The following TMEM268 variants were observed in gnomAD, a reference collection of about 807,000 sequenced individuals.
TMEM268 encodes transmembrane protein 268.
A neutral mutation model predicts 39.1 loss-of-function variants in TMEM268; 24 were observed. The observed-to-expected ratio is 0.61, with a 90% CI of 0.44 to 0.86. TMEM268 has a LOEUF of 0.86. TMEM268 is among the 40% of genes least tolerant of loss of function. The pLI, the probability that TMEM268 is intolerant of heterozygous loss-of-function variation, is 0.00. For synonymous variants in TMEM268, 176 were observed against 173.5 expected, an observed-to-expected ratio of 1.01 and a Z score of -0.12; for missense variants, 409 against 428.6, an observed-to-expected ratio of 0.95 and a Z score of 0.40.
chr9:114,605,736 CA>C, the TMEM268 span, among the ~76,000 whole-genome samples: 2 of 151,944 alleles, frequency 1.3e-5, no homozygotes, highest in Non-Finnish European at 2.9e-5. Flanking sequence ...GACTGGGCAA[CA>C]GGGGGAAACC....
chr9:114,610,837 A>G (rs1406888187), upstream of TMEM268, among the ~76,000 whole-genome samples: 2 of 152,234 alleles, frequency 1.3e-5, no homozygotes, highest in African/African-American at 4.8e-5. Flanking sequence ...ACCAAAGACG[A>G]TAATAAGAAG....
At chr9:114,623,549 G>T (rs1846031187) in intron 2 of TMEM268, among the ~76,000 whole-genome samples, 1 of 152,180 alleles carries the variant, frequency 6.6e-6, no homozygotes, top group Non-Finnish European at 1.5e-5. Flanking sequence ...GAGGCTCTGG[G>T]GAGAATCCAT....
chr9:114,642,068 A>G (rs1296929187), intron 8 of TMEM268, among the ~76,000 whole-genome samples: 2 of 152,236 alleles, frequency 1.3e-5, no homozygotes, highest in Admixed American at 6.5e-5. Flanking sequence ...CATTTTAAGT[A>G]TATAGTTCAG....
chr9:114,633,236 A>G (rs1049124816), intron 5 of TMEM268, among the ~76,000 whole-genome samples: 2 of 150,386 alleles, frequency 1.3e-5, no homozygotes, highest in African/African-American at 4.9e-5. Flanking sequence ...ATCTCTGTGC[A>G]CTGCAACCTC....
At chr9:114,605,046 A>C in the TMEM268 span, among the ~76,000 whole-genome samples, 2 of 152,192 alleles carry the variant, frequency 1.3e-5, no homozygotes, top group Non-Finnish European at 2.9e-5. Flanking sequence ...AAAGCCTTTG[A>C]GCCTGATTGA....
At chr9:114,615,142 C>T (rs1476107184) in intron 1 of TMEM268, among the ~76,000 whole-genome samples, 1 of 152,114 alleles carries the variant, frequency 6.6e-6, no homozygotes, top group Non-Finnish European at 1.5e-5. Flanking sequence ...AGTGATCCGC[C>T]CGCCTCAGCC....
upstream of TMEM268, among the ~76,000 whole-genome samples, chr9:114,610,057 G>C (rs1398836742): frequency 7.5e-6 from 1 of 133,510 alleles, no homozygotes; most frequent in African/African-American, 2.9e-5. Flanking sequence ...TTTTTTTTTT[G>C]AGATGGAGTT....
chr9:114,611,476 G>GCGCCCAGAGGC lies in TMEM268; in HGVS notation c.-167_-166insCGCCCAGAGGC, dbSNP rs1359090582. 1 of 153,010 alleles carries GCGCCCAGAGGC rather than the reference G, an allele frequency of 6.5e-6. No homozygotes were observed. The highest frequency in any genetic ancestry group is 2.4e-5 in the African/African-American group (1 of 41,070). The allele number at this position is 153,010 out of a possible 1,614,324, so 9.5% of individuals were successfully genotyped here. A position where few individuals can be genotyped will look rare whatever the true frequency, so the allele number is the denominator to read the frequency against. ...GAGGCGTGCTGGGCGCGGGGCTGCG[G>GCGCCCAGAGGC]TGCCCAGAGGCTGCGGCATTAGGGG... On this transcript the variant is annotated 5_prime_UTR_variant, in exon 1 of 9. Transcript: ENST00000288502.
intron 4 of TMEM268, among the ~76,000 whole-genome samples, 166 bp from the exon 5 acceptor site, chr9:114,627,935 G>A (rs895226327): frequency 1.8e-4 from 28 of 152,192 alleles, no homozygotes; most frequent in African/African-American, 6.5e-4. Flanking sequence ...AGGAACATTA[G>A]CTCATTCTCA....
chr9:114,636,326 C>T (rs1184975593), intron 6 of TMEM268, among the ~76,000 whole-genome samples: 1 of 152,086 alleles, frequency 6.6e-6, no homozygotes, highest in Admixed American at 6.5e-5. Context: ...CAGGTGTCAG[C>T]TCTGAAGGGT....
chr9:114,619,875 T>G (rs926369813), intron 2 of TMEM268, among the ~76,000 whole-genome samples: 3 of 152,222 alleles, frequency 2.0e-5, no homozygotes, highest in South Asian at 2.1e-4. Context: ...TGCCTTTTTT[T>G]TTGTTGTTTT....
At chr9:114,610,907 A>C (rs1291758516), upstream of TMEM268, among the ~76,000 whole-genome samples, 1 of 152,232 alleles carries the variant, frequency 6.6e-6, no homozygotes, top group Non-Finnish European at 1.5e-5. Context: ...ACAATACAGC[A>C]CATACACAAT....
At position 114,630,279 on chromosome 9, in the gene TMEM268, T is replaced by TCC. The variant is rs1554758354; in HGVS notation, c.474+2029_474+2030insCC. Among the ~76,000 whole-genome samples, 405 of 148,164 alleles carry TCC rather than the reference T, an allele frequency of 2.7e-3. 1 individual carries two copies. Among genetic ancestry groups the TCC allele is most frequent in the African/African-American group, 7.0e-3 (278 of 39,838 alleles). On this transcript the variant is annotated intron_variant, in intron 5 of 8. Transcript: ENST00000288502. The stretch of plus-strand genomic sequence containing the variant: ...ATTTACTGTTCCAACAATATATATC[T>TCC]ATCCATCCATCCATCCATCCATCCA...
rs566517156 is a variant in TMEM268 at position 114,641,557 on chromosome 9, C to T, written c.850-1577C>T. Among the ~76,000 whole-genome samples, 334 of 150,356 alleles carry T rather than the reference C, an allele frequency of 2.2e-3. 3 individuals are homozygous for T. Among genetic ancestry groups the T allele is most frequent in the East Asian group, 4.6e-3 (22 of 4,826 alleles). On this transcript the variant is annotated intron_variant, in intron 8 of 8. Coordinates refer to ENST00000288502, the MANE Select transcript of TMEM268 (RefSeq NM_153045.4). ...CATTAAGGCCTAGCGCCGTGGCTCA[C>T]GCCTGTAATCCCAACACTGTAGGGA...
rs758446219 is a variant in TMEM268, at chr9:114,633,881, G to A, written c.585+3G>A. On this transcript the variant is annotated splice_donor_region_variant and intron_variant, in intron 6 of 8. Coordinates refer to ENST00000288502, the MANE Select transcript of TMEM268 (RefSeq NM_153045.4). ...AAGGATGCCAGAGTGTGATTCAGGTGCTGTGTCTCATAGTTACCTCTTCCT... is the reference window on the plus strand; with the variant it reads ...AAGGATGCCAGAGTGTGATTCAGGTACTGTGTCTCATAGTTACCTCTTCCT... The A allele has an allele frequency of 1.9e-6, 3 of 1,558,592 alleles. No homozygotes were observed. The highest frequency in any genetic ancestry group is 2.3e-5 in the South Asian group (2 of 85,168).
At chr9:114,627,406 CAT>C (rs894441901) in intron 4 of TMEM268, among the ~76,000 whole-genome samples, 1 of 152,074 alleles carries the variant, frequency 6.6e-6, no homozygotes, top group African/African-American at 2.4e-5. Context: ...TGTGTATACA[CAT>C]ATGTATATAT....
At chr9:114,612,873 G>A (rs1237767735) in intron 1 of TMEM268, among the ~76,000 whole-genome samples, 4 of 152,214 alleles carry the variant, frequency 2.6e-5, no homozygotes, top group African/African-American at 9.6e-5. Context: ...AGGAACTTCA[G>A]ATTTTATTTC....
chr9:114,610,927 G>T (rs991981901), upstream of TMEM268, among the ~76,000 whole-genome samples: 9 of 152,166 alleles, frequency 5.9e-5, no homozygotes, highest in Non-Finnish European at 1.3e-4. Flanking sequence ...TTTTCCATTA[G>T]AAACAAGTCC....
intron 7 of TMEM268, 41 bp from the exon 8 acceptor site, chr9:114,638,503 G>A: frequency 6.8e-7 from 1 of 1,465,574 alleles, no homozygotes; most frequent in Non-Finnish European, 9.1e-7. Context: ...GATACCACCT[G>A]ATTTAGGCAC....
Sources: gnomAD v4.1 joint callset for allele counts (sites outside exome capture counted in the v4.1 genomes callset) on GRCh38, gnomAD v4.1.1 for gene constraint, MANE v1.5 for transcripts, NCBI Gene and HGNC (gene_info 2026-07-23, HGNC 2026-07-21) for gene names.